The following ATP2B2 variants were observed in gnomAD, a reference collection of about 807,000 sequenced individuals.
The protein encoded by ATP2B2 is ATPase plasma membrane Ca2+ transporting 2.
A neutral mutation model predicts 120.0 loss-of-function variants in ATP2B2; 15 were observed. The observed-to-expected ratio is 0.12, with a 90% CI of 0.08 to 0.19. The LOEUF is 0.19. ATP2B2 is among the 10% of genes least tolerant of loss of function. The pLI is 1.00. For synonymous variants in ATP2B2, 694 were observed against 700.3 expected, an observed-to-expected ratio of 0.99 and a Z score of 0.14; for missense variants, 1,045 against 1,719.8, an observed-to-expected ratio of 0.61 and a Z score of 6.94.
chr3:10,594,715 A>ATAATAATAC (rs890478860), intron 2 of ATP2B2, among the ~76,000 whole-genome samples: 1 of 21,608 alleles, frequency 4.6e-5, no homozygotes, highest in Non-Finnish European at 1.7e-4. Context: ...TTAAAGTATA[A>ATAATAATAC]TAATAATAAT....
chr3:10,666,572 C>T (rs1191720977), intron 1 of ATP2B2, among the ~76,000 whole-genome samples: 1 of 152,210 alleles, frequency 6.6e-6, no homozygotes, highest in African/African-American at 2.4e-5. Context: ...AGTCCTGCGG[C>T]CTCTTGTTCA....
intron 2 of ATP2B2, among the ~76,000 whole-genome samples, chr3:10,572,303 T>C (rs1206955743): frequency 1.3e-5 from 2 of 152,268 alleles, no homozygotes; most frequent in South Asian, 4.1e-4. Context: ...AGCTAACTAA[T>C]ACACAGGCCG....
intron 5 of ATP2B2, among the ~76,000 whole-genome samples, chr3:10,395,246 A>G (rs2061996980): frequency 6.6e-6 from 1 of 152,218 alleles, no homozygotes; most frequent in Non-Finnish European, 1.5e-5. Flanking sequence ...CAATGAAAAG[A>G]TGAGGCGCTG....
intron 2 of ATP2B2, among the ~76,000 whole-genome samples, chr3:10,597,821 G>T (rs1194508287): frequency 2.0e-5 from 3 of 152,128 alleles, no homozygotes; most frequent in Admixed American, 2.0e-4. Flanking sequence ...GTTTTTTATT[G>T]TTGCCATCGT....
At chr3:10,463,787 T>C (rs1215412681) in intron 1 of ATP2B2, among the ~76,000 whole-genome samples, 2 of 152,212 alleles carry the variant, frequency 1.3e-5, no homozygotes, top group African/African-American at 2.4e-5. Flanking sequence ...TGAGGATCCT[T>C]ATGGTCCAGC....
At chr3:10,352,338 C>G (rs1048012347) in intron 14 of ATP2B2, among the ~76,000 whole-genome samples, 1 of 152,244 alleles carries the variant, frequency 6.6e-6, no homozygotes, top group Admixed American at 6.5e-5. Context: ...GAGTGTCAGC[C>G]TGTGGGGCTG....
intron 1 of ATP2B2, among the ~76,000 whole-genome samples, chr3:10,643,815 GA>G (rs201559992): frequency 1.3e-5 from 2 of 150,232 alleles, no homozygotes; most frequent in Non-Finnish European, 3.0e-5. Flanking sequence ...TGTGCTGGAG[GA>G]AAAAAAAATG....
intron 3 of ATP2B2, among the ~76,000 whole-genome samples, chr3:10,511,964 T>C (rs1023568139): frequency 6.6e-6 from 1 of 152,138 alleles, no homozygotes; most frequent in Non-Finnish European, 1.5e-5. Context: ...GTGGGGATGA[T>C]GAATCCAGGA....
At chr3:10,336,543 T>C (rs1248804552) in intron 22 of ATP2B2, among the ~76,000 whole-genome samples, 1 of 152,162 alleles carries the variant, frequency 6.6e-6, no homozygotes, top group Non-Finnish European at 1.5e-5. Context: ...CCTGTGCTAG[T>C]GGCTCAGGGG....
chr3:10,328,544 C>T lies in ATP2B2; in HGVS notation c.*270G>A. ...TGGCTGGTCCATGTCTGGGTGGGAG[C>T]CAGGAAGGGCTTGTTTTGGGAAAAC... On this transcript the variant is annotated 3_prime_UTR_variant, in exon 23 of 23. Coordinates refer to ENST00000360273, the MANE Select transcript of ATP2B2 (RefSeq NM_001001331.4). 2.1e-6 allele frequency: 1 copy of T among 472,054 alleles called. No individual in the cohort carries two copies. 29.2% of individuals were successfully genotyped at this position (472,054 alleles called of 1,614,324 possible).
Position 10,637,618 on chromosome 3 carries a change from GA to G in ATP2B2, c.-459-17658del, listed in dbSNP as rs2070057328. 1.3e-5 allele frequency among the ~76,000 whole-genome samples: 2 copies of G among 152,164 alleles called. 1 individual carries two copies. The highest frequency in any genetic ancestry group is 4.1e-4 in the South Asian group (2 of 4,830). On this transcript the variant is annotated intron_variant, in intron 1 of 21. Coordinates refer to the ATP2B2 transcript ENST00000646379. ...GAAATACAGAGAGAAGAGAGAATAA[GA>G]AACTGAAAAGAGTATCAGTGAGCTG...
chr3:10,589,615 T>A (rs2068594729), intron 2 of ATP2B2, among the ~76,000 whole-genome samples: 1 of 152,262 alleles, frequency 6.6e-6, no homozygotes, highest in Non-Finnish European at 1.5e-5. Flanking sequence ...GAAACTCTTG[T>A]GGGCCTCAGT....
intron 1 of ATP2B2, among the ~76,000 whole-genome samples, chr3:10,460,058 A>T (rs954752923): frequency 5.9e-5 from 9 of 152,212 alleles, no homozygotes; most frequent in Non-Finnish European, 1.0e-4. Flanking sequence ...CTGGTTGGTG[A>T]GGCCTCAGGC....
chr3:10,650,443 G>A (rs946806328), intron 1 of ATP2B2, among the ~76,000 whole-genome samples: 36 of 152,186 alleles, frequency 2.4e-4, no homozygotes, highest in African/African-American at 8.7e-4. Flanking sequence ...AGGGCATTCA[G>A]TTTTAAAAGG....
intron 2 of ATP2B2, among the ~76,000 whole-genome samples, chr3:10,541,138 G>A (rs2067430656): frequency 1.3e-5 from 2 of 152,044 alleles, no homozygotes; most frequent in African/African-American, 4.8e-5. Context: ...GGTCATGTGT[G>A]TCTTCTCTTT....
intron 11 of ATP2B2, among the ~76,000 whole-genome samples, chr3:10,372,325 T>C (rs1345766309): frequency 1.3e-5 from 2 of 152,246 alleles, no homozygotes; most frequent in African/African-American, 4.8e-5. Flanking sequence ...AGAAGTAATC[T>C]ACATTCTTTA....
At chr3:10,434,939 G>A (rs892674728) in intron 2 of ATP2B2, among the ~76,000 whole-genome samples, 1 of 152,244 alleles carries the variant, frequency 6.6e-6, no homozygotes, top group Admixed American at 6.5e-5. Flanking sequence ...GAGCCCCAGT[G>A]TGGTTTGGAG....
chr3:10,693,988 T>C (rs2071706474), intron 1 of ATP2B2, among the ~76,000 whole-genome samples: 1 of 152,228 alleles, frequency 6.6e-6, no homozygotes, highest in Non-Finnish European at 1.5e-5. Context: ...TAACTTTTTA[T>C]TTGGAAGTAA....
rs1575518399 is a variant in ATP2B2 at position 10,578,941 on chromosome 3, C to G, written c.-415+40976G>C. On this transcript the variant is annotated intron_variant, in intron 2 of 21. Coordinates refer to the ATP2B2 transcript ENST00000646379. Reference sequence around the variant, plus strand: ...ATCCACTGGGAAGGGGCGGTGGCCTCCTGGGGAGGTGGCAACGTGCTACAG... The same window carrying G: ...ATCCACTGGGAAGGGGCGGTGGCCTGCTGGGGAGGTGGCAACGTGCTACAG... Among the ~76,000 whole-genome samples, 3 of 152,290 alleles carry G rather than the reference C, an allele frequency of 2.0e-5. 1 individual carries two copies. Among genetic ancestry groups the G allele is most frequent in the African/African-American group, 4.8e-5 (2 of 41,568 alleles).
Sources: allele counts gnomAD v4.1 joint callset (sites outside exome capture counted in the v4.1 genomes callset), GRCh38; gene constraint gnomAD v4.1.1; transcripts MANE v1.5; gene names NCBI Gene and HGNC (gene_info 2026-07-23, HGNC 2026-07-21).